TACC1: variants seen among roughly 807,000 people sequenced by gnomAD.
The protein encoded by TACC1 is transforming acidic coiled-coil containing protein 1, also known as transforming acidic coiled-coil-containing protein 1.
A neutral mutation model predicts 84.4 loss-of-function variants in TACC1; 48 were observed. That is an observed-to-expected ratio of 0.57 (90% CI 0.45 to 0.72). The LOEUF (loss-of-function observed/expected upper bound fraction) is 0.72, where lower values mean the gene tolerates loss of function less well. Among genes scored for constraint, TACC1 ranks in the 30% least tolerant of loss-of-function variants. The pLI is 0.00. For missense variants in TACC1, 920 were observed against 973.0 expected (o/e 0.95, Z 0.72); for synonymous variants, 372 against 376.3 (o/e 0.99, Z 0.13).
At chr8:38,742,417 A>G in exon 2 of TACC1, 1 of 1,529,490 alleles carries the variant, frequency 6.5e-7, no homozygotes, top group Non-Finnish European at 8.8e-7. Flanking sequence ...TCTTCCAAGT[A>G]CACTGAGATC....
At chr8:38,734,093 T>G (rs919680060) in intron 1 of TACC1, among the ~76,000 whole-genome samples, 1 of 152,270 alleles carries the variant, frequency 6.6e-6, no homozygotes, top group African/African-American at 2.4e-5. Flanking sequence ...CCCAAGATTT[T>G]GGGGATGGCA....
chr8:38,825,180 A>T, intron 3 of TACC1, 128 bp from the exon 4 acceptor site: 1 of 936,080 alleles, frequency 1.1e-6, no homozygotes, highest in Non-Finnish European at 1.7e-6. Context: ...TCCTGCGGCG[A>T]TGTATGATTT....
chr8:38,746,135 TTA>T (rs1808046231), intron 3 of TACC1, among the ~76,000 whole-genome samples: 1 of 152,174 alleles, frequency 6.6e-6, no homozygotes, highest in South Asian at 2.1e-4. Context: ...CTTGAAAGTG[TTA>T]TGTTATTTTA....
intron 3 of TACC1, among the ~76,000 whole-genome samples, chr8:38,775,227 T>A (rs1023895173): frequency 1.3e-5 from 2 of 152,158 alleles, no homozygotes; most frequent in Non-Finnish European, 2.9e-5. Flanking sequence ...TTGCAAGGGT[T>A]ATGAATCCTA....
chr8:38,815,812 CA>C (rs1212838020), intron 2 of TACC1, among the ~76,000 whole-genome samples: 1 of 151,666 alleles, frequency 6.6e-6, no homozygotes, highest in African/African-American at 2.4e-5. Flanking sequence ...TTGAAACATG[CA>C]AAATAACTAA....
chr8:38,840,390 T>A, intron 9 of TACC1, 123 bp downstream of exon 9: 1 of 856,024 alleles, frequency 1.2e-6, no homozygotes, highest in Non-Finnish European at 1.8e-6. Flanking sequence ...TTCATAGCTC[T>A]GGAGACAGGA....
In TACC1 at chr8:38,813,828, T is replaced by C. The variant is rs10086437; in HGVS notation, c.278-5694T>C. ...TGGGACTTGAGTTCTCTGTGCACTTTAGTTTGAATACATTTGGTCTCGGCA... is the reference window on the plus strand; with the variant it reads ...TGGGACTTGAGTTCTCTGTGCACTTCAGTTTGAATACATTTGGTCTCGGCA... On this transcript the variant is annotated intron_variant, in intron 2 of 12. Transcript: ENST00000317827. Among the ~76,000 whole-genome samples the C allele has an allele frequency of 2.1e-3, 314 of 152,342 alleles. 3 individuals are homozygous for C. Among genetic ancestry groups the C allele is most frequent in the African/African-American group, 6.7e-3 (277 of 41,570 alleles).
Position 38,770,116 on chromosome 8 carries a change from C to T in TACC1, c.27-18588C>T, listed in dbSNP as rs542513947. On this transcript the variant is annotated intron_variant, in intron 3 of 14. Transcript: ENST00000518415. Reference sequence around the variant, plus strand: ...ACATGCGTGCTCCCTGCGCTGCCGGCTCTGGCTCTCCCCCATCCTTCCTCA... The same window carrying T: ...ACATGCGTGCTCCCTGCGCTGCCGGTTCTGGCTCTCCCCCATCCTTCCTCA... Among the ~76,000 whole-genome samples, 13 of 152,040 alleles carry T rather than the reference C, an allele frequency of 8.6e-5. No individual in the cohort carries two copies. The East Asian group carries it at 2.5e-3, about 29-fold the overall frequency.
At chr8:38,788,889 G>A (rs1379156202) in intron 2 of TACC1, 70 bp downstream of exon 2, 17 of 1,242,686 alleles carry the variant, frequency 1.4e-5, no homozygotes, top group African/African-American at 1.2e-4. Flanking sequence ...ATGAAGGAAG[G>A]AAAAAAGTGT....
intron 11 of TACC1, chr8:38,846,283 CAAAAAAAAAAAA>C (rs538545237): frequency 1.7e-4 from 10 of 59,672 alleles, no homozygotes; most frequent in East Asian, 1.6e-3. Flanking sequence ...GACTCCATCT[CAAAAAAAAAAAA>C]AAAAAAAAAA....
At position 38,819,559 on chromosome 8, in the gene TACC1, G is replaced by T; in HGVS notation, c.315G>T (p.Val105=). The T allele has an allele frequency of 6.2e-7, 1 of 1,612,698 alleles. No individual in the cohort carries two copies. Among genetic ancestry groups the T allele is most frequent in the Non-Finnish European group, 8.5e-7 (1 of 1,178,818 alleles). The change falls in exon 3 of 13, where the codon GTG becomes GTT. Residue 105 remains valine (V), a synonymous_variant. Transcript: ENST00000317827. Reference sequence around the variant, plus strand: ...CTGATGAACAGCTTGTAGCAGAAGTGGTTGAAAAATGTTCATCTAAGACTT... The same window carrying T: ...CTGATGAACAGCTTGTAGCAGAAGTTGTTGAAAAATGTTCATCTAAGACTT... ...QEADEQLVAE[V]VEKCSSKTCS...
intron 3 of TACC1, among the ~76,000 whole-genome samples, chr8:38,780,529 T>G (rs1171571556): frequency 1.3e-5 from 2 of 152,198 alleles, no homozygotes; most frequent in Non-Finnish European, 2.9e-5. Context: ...CTTTCTGTTC[T>G]GTGTTACAGA....
At chr8:38,828,574 C>T (rs908381588) in intron 5 of TACC1, among the ~76,000 whole-genome samples, 2 of 152,080 alleles carry the variant, frequency 1.3e-5, no homozygotes, top group African/African-American at 4.8e-5. Flanking sequence ...GTTCCAATTC[C>T]TCTTGGTGTC....
intron 2 of TACC1, among the ~76,000 whole-genome samples, chr8:38,817,943 A>C (rs950097794): frequency 6.7e-6 from 1 of 149,204 alleles, no homozygotes; most frequent in Admixed American, 6.7e-5. Context: ...AAAAAAAAAA[A>C]AAAACAGGCT....
chr8:38,745,200 C>T (rs1336556835), exon 3 of TACC1: 9 of 358,054 alleles, frequency 2.5e-5, no homozygotes, highest in Non-Finnish European at 4.0e-5. Flanking sequence ...ACAAAATACA[C>T]TCAAAGCAGC....
chr8:38,762,043 G>T (rs1811309168), intron 3 of TACC1, among the ~76,000 whole-genome samples: 2 of 152,062 alleles, frequency 1.3e-5, no homozygotes, highest in African/African-American at 4.8e-5. Flanking sequence ...AGACTATGAG[G>T]GTAGTTGAAA....
At position 38,851,091 on chromosome 8, in the gene TACC1, G is replaced by A. The variant is rs1194622176; in HGVS notation, c.*3068G>A. On this transcript the variant is annotated 3_prime_UTR_variant, in exon 13 of 13. Transcript: ENST00000317827. Reference sequence around the variant, plus strand: ...TCTGTAAAACTGCTCTGGAAATACCGGGAAGCCCAGTTTTCTCACGTGGTT... The same window carrying A: ...TCTGTAAAACTGCTCTGGAAATACCAGGAAGCCCAGTTTTCTCACGTGGTT... 2.0e-5 allele frequency: 3 copies of A among 152,210 alleles called. No homozygotes were observed. The highest frequency in any genetic ancestry group is 7.2e-5 in the African/African-American group (3 of 41,424). The allele number at this position is 152,210 out of a possible 1,614,324, so 9.4% of individuals were successfully genotyped here.
In TACC1 at chr8:38,846,740, C is replaced by T. The variant is rs746790296; in HGVS notation, c.2270C>T (p.Ala757Val). The T allele has an allele frequency of 1.2e-6, 2 of 1,614,146 alleles. No homozygotes were observed. Among genetic ancestry groups the T allele is most frequent in the Non-Finnish European group, 1.7e-6 (2 of 1,180,010 alleles). Residue 757 changes from alanine (A) to valine (V), a missense_variant, in exon 12 of 13, where the codon GCT becomes GTT. Ala to Val is a moderately conservative substitution (Grantham distance 64). Transcript: ENST00000317827. Reference protein sequence around the residue: ...EIAQVRTKAKAESAALHAGLR... With the variant: ...EIAQVRTKAKVESAALHAGLR... ...GCTCAGGTTCGAACAAAAGCAAAGG[C>T]TGAGAGTGCAGCTCTCCATGCTGGA...
upstream of TACC1, chr8:38,728,609 G>A (rs559982080): frequency 1.3e-5 from 2 of 152,422 alleles, no homozygotes; most frequent in East Asian, 3.9e-4. Flanking sequence ...AGCGGTAGCA[G>A]GTGGCGCAGA....
Sources: gnomAD v4.1 joint callset for allele counts (sites outside exome capture counted in the v4.1 genomes callset) on GRCh38, gnomAD v4.1.1 for gene constraint, MANE v1.5 for transcripts, NCBI Gene and HGNC (gene_info 2026-07-23, HGNC 2026-07-21) for gene names.